Variants in UPRT observed in about 807,000 individuals in gnomAD.
UPRT encodes the protein RP11-311P8.3.
In UPRT, 5 loss-of-function variants were observed where a neutral mutation model predicts 22.6. That is an observed-to-expected ratio of 0.22 (90% CI 0.12 to 0.47). UPRT has a LOEUF of 0.47. UPRT is among the 20% of genes least tolerant of loss of function. UPRT has a pLI of 0.99. For missense variants in UPRT, 181 were observed against 239.9 expected, an observed-to-expected ratio of 0.75 and a Z score of 1.62; for synonymous variants, 77 against 87.7, an observed-to-expected ratio of 0.88 and a Z score of 0.68.
chrX:75,203,510 A>ACT (rs1369175739), intron 4 of UPRT, among the ~76,000 whole-genome samples: 1 of 95,025 alleles, frequency 1.1e-5, no homozygotes, highest in African/African-American at 4.5e-5. Flanking sequence ...ACACACACAC[A>ACT]CACACTCACA....
Position 75,219,809 on chromosome X carries a change from TC to T in UPRT, c.-447+51931del, listed in dbSNP as rs1358681877. On this transcript the variant is annotated intron_variant, in intron 4 of 13. Transcript: ENST00000652605. ...CATCCCACTTTCAGCATTGGACAGA[TC>T]TTCCAGATAAAAAAGTCAACAAAAA... 2.7e-4 allele frequency among the ~76,000 whole-genome samples: 30 copies of T among 111,660 alleles called. No individual in the cohort carries two copies. The East Asian group carries it at 7.3e-3, about 27-fold the overall frequency.
chrX:75,266,125 T>A (rs1208351632), intron 4 of UPRT, among the ~76,000 whole-genome samples: 1 of 111,244 alleles, frequency 9.0e-6, no homozygotes, highest in African/African-American at 3.3e-5. Flanking sequence ...AGAGCCCACA[T>A]TGCCAAGTCA....
At chrX:75,298,366 G>A (rs1219240460) in intron 4 of UPRT, among the ~76,000 whole-genome samples, 1 of 110,727 alleles carries the variant, frequency 9.0e-6, no homozygotes, top group Non-Finnish European at 1.9e-5. Context: ...TTAATTCTAG[G>A]TATTTCCATC....
At chrX:75,209,230 C>T (rs911890480) in intron 4 of UPRT, among the ~76,000 whole-genome samples, 7 of 111,154 alleles carry the variant, frequency 6.3e-5, no homozygotes, top group African/African-American at 2.3e-4. Context: ...TATGGGCTTA[C>T]CAGAGACCGA....
At chrX:75,271,336 A>T (rs1258890531), upstream of UPRT, among the ~76,000 whole-genome samples, 1 of 111,873 alleles carries the variant, frequency 8.9e-6, no homozygotes, top group African/African-American at 3.3e-5. Flanking sequence ...AAAATCAGAA[A>T]TAAATCCAAA....
intron 4 of UPRT, among the ~76,000 whole-genome samples, chrX:75,246,016 G>C (rs1275349969): frequency 6.3e-5 from 7 of 111,651 alleles, no homozygotes; most frequent in African/African-American, 1.9e-4. Context: ...AGACAAAATA[G>C]AGAATGTCAA....
intron 3 of UPRT, among the ~76,000 whole-genome samples, chrX:75,163,849 G>A (rs2082206511): frequency 9.0e-6 from 1 of 111,326 alleles, no homozygotes; most frequent in Non-Finnish European, 1.9e-5. Flanking sequence ...GGTCATGAGG[G>A]CTACATTCTC....
chrX:75,271,310 C>T (rs962265443), upstream of UPRT, among the ~76,000 whole-genome samples: 13 of 111,844 alleles, frequency 1.2e-4, no homozygotes, highest in Admixed American at 2.8e-4. Flanking sequence ...ACCCACAGAC[C>T]AATGGAACAA....
At chrX:75,196,854 G>GATAATA (rs758851671) in intron 4 of UPRT, among the ~76,000 whole-genome samples, 11 of 110,423 alleles carry the variant, frequency 1.0e-4, no homozygotes, top group African/African-American at 3.3e-4. Flanking sequence ...CTCAAAAAAA[G>GATAATA]ATAATAATAA....
intron 4 of UPRT, among the ~76,000 whole-genome samples, chrX:75,214,453 C>G (rs1247553869): frequency 8.9e-6 from 1 of 112,643 alleles, no homozygotes; most frequent in Non-Finnish European, 1.9e-5. Flanking sequence ...CTAAAATAGT[C>G]AAACTCATAG....
chrX:75,250,254 A>C (rs1314760124), intron 4 of UPRT, among the ~76,000 whole-genome samples: 2 of 110,474 alleles, frequency 1.8e-5, no homozygotes, highest in Non-Finnish European at 3.8e-5. Flanking sequence ...ACCCTTCAAA[A>C]AATTAATGAA....
chrX:75,248,207 G>T (rs1175119404), intron 4 of UPRT, among the ~76,000 whole-genome samples: 1 of 112,007 alleles, frequency 8.9e-6, no homozygotes, highest in Non-Finnish European at 1.9e-5. Flanking sequence ...GAACAAAGCT[G>T]AACAGAGAAT....
intron 4 of UPRT, among the ~76,000 whole-genome samples, chrX:75,188,671 C>G (rs13362950): frequency 8.9e-6 from 1 of 112,420 alleles, no homozygotes; most frequent in African/African-American, 3.2e-5. Context: ...TAGCAATCAG[C>G]GAGACTTCGT....
intron 4 of UPRT, among the ~76,000 whole-genome samples, chrX:75,196,759 A>C (rs1354647882): frequency 9.0e-6 from 1 of 111,369 alleles, no homozygotes; most frequent in Non-Finnish European, 1.9e-5. Flanking sequence ...AGGCATGAGA[A>C]TCACTTGAAC....
chrX:75,213,514 A>G (rs2082385027), intron 4 of UPRT, among the ~76,000 whole-genome samples: 1 of 112,218 alleles, frequency 8.9e-6, no homozygotes, highest in Non-Finnish European at 1.9e-5. Flanking sequence ...GTCTAAATAC[A>G]CCAATTAAAA....
At chrX:75,238,326 A>G (rs1448769529) in intron 4 of UPRT, among the ~76,000 whole-genome samples, 1 of 111,658 alleles carries the variant, frequency 9.0e-6, no homozygotes, top group Non-Finnish European at 1.9e-5. Flanking sequence ...AAGCAGGAGT[A>G]GCTATTCTTA....
At chrX:75,181,253 G>A (rs1042895576) in intron 4 of UPRT, among the ~76,000 whole-genome samples, 2 of 111,333 alleles carry the variant, frequency 1.8e-5, no homozygotes, top group Non-Finnish European at 3.8e-5. Flanking sequence ...TTTGGTTACC[G>A]TACCTTGTAG....
intron 4 of UPRT, among the ~76,000 whole-genome samples, chrX:75,267,470 A>C (rs1016454249): frequency 8.9e-6 from 1 of 111,976 alleles, no homozygotes; most frequent in Admixed American, 9.5e-5. Context: ...AGATATACCT[A>C]ATGTAAATGA....
At chrX:75,239,329 A>C (rs752685179) in intron 4 of UPRT, among the ~76,000 whole-genome samples, 1 of 111,492 alleles carries the variant, frequency 9.0e-6, no homozygotes, top group Non-Finnish European at 1.9e-5. Flanking sequence ...GCTGTGAACA[A>C]CTTTATGTGC....
Sources: gnomAD v4.1 joint callset for allele counts (sites outside exome capture counted in the v4.1 genomes callset) on GRCh38, gnomAD v4.1.1 for gene constraint, MANE v1.5 for transcripts, NCBI Gene and HGNC (gene_info 2026-07-23, HGNC 2026-07-21) for gene names.